EIF3B: variants seen among roughly 807,000 people sequenced by gnomAD.
EIF3B encodes the protein eukaryotic translation initiation factor 3 subunit B, also known as eukaryotic translation initiation factor 3 subunit 9.
In EIF3B, 10 loss-of-function variants were observed where a neutral mutation model predicts 104.6. That is an observed-to-expected ratio of 0.10 (90% confidence interval 0.06 to 0.16). EIF3B has a LOEUF of 0.16. EIF3B is among the 10% of genes least tolerant of loss of function. The pLI is 1.00. For missense variants in EIF3B, 1,014 were observed against 1,087.9 expected (o/e 0.93, Z 0.96); for synonymous variants, 542 against 417.2 (o/e 1.30, Z -3.65).
chr7:2,367,102 CAAAA>C (rs60382761), intron 9 of EIF3B, 57 bp downstream of exon 9: 1,464 of 830,410 alleles, frequency 1.8e-3, no homozygotes, highest in South Asian at 2.8e-3. Flanking sequence ...AACACAATAC[CAAAA>C]AAAAAAAAAA....
At chr7:2,371,528 T>C (rs1167496054) in intron 10 of EIF3B, among the ~76,000 whole-genome samples, 1 of 152,190 alleles carries the variant, frequency 6.6e-6, no homozygotes, top group East Asian at 1.9e-4. Context: ...GGGCGGCTCC[T>C]GGAGGTGGGA....
chr7:2,372,152 A>T (rs552934397), intron 11 of EIF3B: 9 of 372,472 alleles, frequency 2.4e-5, no homozygotes, highest in African/African-American at 1.6e-4. Flanking sequence ...GTTGCAGTGA[A>T]CTGAGATTGC....
intron 11 of EIF3B, 22 bp from the exon 12 acceptor site, chr7:2,372,651 G>A (rs775311337): frequency 1.9e-6 from 3 of 1,610,248 alleles, no homozygotes; most frequent in South Asian, 2.2e-5. Flanking sequence ...AAAAAGGGAG[G>A]GGTCTGTTTT....
At chr7:2,374,704 G>GTATT (rs1780542194) in intron 13 of EIF3B, 98 bp downstream of exon 13, 6 of 1,158,084 alleles carry the variant, frequency 5.2e-6, no homozygotes, top group Non-Finnish European at 7.5e-6. Context: ...GGTAGAGAGA[G>GTATT]TATTGTGCGC....
chr7:2,366,887 C>A, intron 8 of EIF3B, 112 bp from the exon 9 acceptor site: 1 of 1,147,580 alleles, frequency 8.7e-7, no homozygotes, highest in South Asian at 1.4e-5. Context: ...GTGTGCACTG[C>A]CCCCTAGGCA....
chr7:2,364,984 A>G (rs557702172), intron 6 of EIF3B, among the ~76,000 whole-genome samples: 3 of 152,326 alleles, frequency 2.0e-5, no homozygotes, highest in East Asian at 1.9e-4. Context: ...TCCTTCCTCT[A>G]TCACCCAGGC....
chr7:2,375,160 A>G, intron 13 of EIF3B: 2 of 535,556 alleles, frequency 3.7e-6, no homozygotes, highest in African/African-American at 1.9e-5. Flanking sequence ...CTCAGATAAC[A>G]TTTCCAGTAA....
At chr7:2,362,843 C>A in intron 3 of EIF3B, 79 bp downstream of exon 3, 1 of 1,586,868 alleles carries the variant, frequency 6.3e-7, no homozygotes, top group South Asian at 1.1e-5. Context: ...TGGTGCTTCT[C>A]GGTGCTGGTG....
chr7:2,380,285 C>G lies in EIF3B; in HGVS notation c.*96C>G, dbSNP rs777118685. The G allele has an allele frequency of 3.9e-6, 2 of 511,216 alleles. No individual in the cohort carries two copies. Among genetic ancestry groups the G allele is most frequent in the East Asian group, 1.1e-4 (2 of 18,112 alleles). The allele number at this position is 511,216 out of a possible 1,614,324, so 31.7% of individuals were successfully genotyped here. The stretch of plus-strand genomic sequence containing the variant: ...CGCGGTTCCTCTGTTGCAGCGCAGC[C>G]GTGTGTGCTGTGGAGCCGAGGCCGT... On this transcript the variant is annotated 3_prime_UTR_variant, in exon 19 of 19. Transcript: ENST00000360876.
At position 2,378,740 on chromosome 7, in the gene EIF3B, C is replaced by T. The variant is rs1418263620; in HGVS notation, c.2206C>T (p.Arg736Cys). 6.2e-7 allele frequency: 1 copy of T among 1,613,988 alleles called. No individual in the cohort carries two copies. Among genetic ancestry groups the T allele is most frequent in the African/African-American group, 1.3e-5 (1 of 75,054 alleles). Residue 736 changes from arginine (R) to cysteine (C), a missense_variant, in exon 16 of 19, where the codon CGT becomes TGT. Arg to Cys is a radical substitution (Grantham distance 180). Around this residue, in one of 4 missense-constraint regions of EIF3B, gnomAD observed 266 missense variants for 324.0 expected, o/e 0.82. Coordinates refer to ENST00000360876, the MANE Select transcript of EIF3B (RefSeq NM_001037283.2). The part of the protein sequence containing the change: ...KYSKIFEQKD[R>C]LSQSKASKEL... ...CTCTAAGATCTTTGAACAGAAGGAT[C>T]GTTTGAGTCAGTCCAAAGCCTCAAA...
intron 2 of EIF3B, among the ~76,000 whole-genome samples, chr7:2,361,369 C>T: frequency 6.6e-6 from 1 of 152,150 alleles, no homozygotes; most frequent in Non-Finnish European, 1.5e-5. Context: ...GAAGGATGGC[C>T]TCTTGACCCT....
In EIF3B at chr7:2,367,825, A is replaced by ATTTTTTTTTT. The variant is rs71026506; in HGVS notation, c.1403+805_1403+814dup. ...ACGGTGAGTTTGTTCTTTTTTTAAA[A>ATTTTTTTTTT]TTTTTTTTTTTTTTTTTTTTTTTTT... On this transcript the variant is annotated intron_variant, in intron 9 of 18. Coordinates refer to ENST00000360876, the MANE Select transcript of EIF3B (RefSeq NM_001037283.2). Among the ~76,000 whole-genome samples the ATTTTTTTTTT allele has an allele frequency of 7.1e-4, 43 of 60,304 alleles. 2 individuals carry two copies. Among genetic ancestry groups the ATTTTTTTTTT allele is most frequent in the East Asian group, 3.1e-3 (5 of 1,624 alleles). 39.6% of individuals were successfully genotyped at this position (60,304 alleles called of 152,430 possible).
At chr7:2,366,824 C>G in intron 8 of EIF3B, 175 bp from the exon 9 acceptor site, 1 of 818,098 alleles carries the variant, frequency 1.2e-6, no homozygotes, top group Admixed American at 2.4e-5. Flanking sequence ...CAGTGGGCTT[C>G]AGAACTGCAG....
At chr7:2,379,053 C>G in intron 16 of EIF3B, 81 bp from the exon 17 acceptor site, 1 of 1,221,636 alleles carries the variant, frequency 8.2e-7, no homozygotes, top group Non-Finnish European at 1.2e-6. Context: ...CCTTCTGGCA[C>G]CGTCCGCCTG....
At chr7:2,369,813 T>G in intron 10 of EIF3B, 131 bp downstream of exon 10, 1 of 747,422 alleles carries the variant, frequency 1.3e-6, no homozygotes. Flanking sequence ...AGTCTCACTC[T>G]GTCACCAGGC....
Position 2,356,335 on chromosome 7 carries a change from G to T in EIF3B, c.499+915G>T, listed in dbSNP as rs540014700. On this transcript the variant is annotated intron_variant, in intron 1 of 18. Transcript: ENST00000360876. ...ATTTTTAAAAGGCTATCAGAGGGCC[G>T]GGCTGGGTGGCTCACGCCTGTAATC... is the stretch of plus-strand genomic sequence containing the variant. 7.9e-5 allele frequency among the ~76,000 whole-genome samples: 12 copies of T among 152,278 alleles called. No individual in the cohort carries two copies. The South Asian group carries it at 2.3e-3, about 29-fold the overall frequency.
chr7:2,354,215 T>G (rs1237142461), upstream of EIF3B: 2 of 152,246 alleles, frequency 1.3e-5, no homozygotes, highest in Admixed American at 6.5e-5. Flanking sequence ...TAAAGAAACT[T>G]CCATACATTT....
chr7:2,373,692 TTG>T (rs1780480222), intron 12 of EIF3B: 1 of 152,192 alleles, frequency 6.6e-6, no homozygotes, highest in African/African-American at 2.4e-5. Flanking sequence ...GTCCAGAGAC[TTG>T]TGTAAGTCTT....
Position 2,364,533 on chromosome 7 carries a change from A to G in EIF3B, c.1157+4A>G. The stretch of plus-strand genomic sequence containing the variant: ...TTGACTTCTCACCTTGTGAAAGGTA[A>G]GCTGCTAGAAAAACACAGGGGAGTC... On this transcript the variant is annotated splice_donor_region_variant and intron_variant, in intron 6 of 18. Transcript: ENST00000360876. 1 of 1,610,678 alleles carries G rather than the reference A, an allele frequency of 6.2e-7. No homozygotes were observed. The highest frequency in any genetic ancestry group is 8.5e-7 in the Non-Finnish European group (1 of 1,178,894).
Sources: gnomAD v4.1 joint callset for allele counts (sites outside exome capture counted in the v4.1 genomes callset) on GRCh38, gnomAD v4.1.1 for gene constraint, gnomAD v4.1.1 regional missense constraint, MANE v1.5 for transcripts, NCBI Gene and HGNC (gene_info 2026-07-23, HGNC 2026-07-21) for gene names.